ANKH: variants seen among roughly 807,000 people sequenced by gnomAD.
ANKH encodes ANKH inorganic pyrophosphate transport regulator.
In ANKH, 15 loss-of-function variants were observed where a neutral mutation model predicts 49.0. The ratio of observed to expected loss-of-function variants is 0.31; its 90% confidence interval spans 0.20 to 0.47. ANKH has a LOEUF of 0.47. Ranked by LOEUF, ANKH falls within the 20% of genes least tolerant of loss-of-function variation. The pLI, the probability that ANKH is intolerant of heterozygous loss-of-function variation, is 1.00. For missense variants in ANKH, 429 were observed against 652.0 expected, an observed-to-expected ratio of 0.66 and a Z score of 3.72; for synonymous variants, 273 against 260.0, an observed-to-expected ratio of 1.05 and a Z score of -0.48.
intron 1 of ANKH, among the ~76,000 whole-genome samples, chr5:14,848,208 C>T (rs1742019746): frequency 6.6e-6 from 1 of 152,096 alleles, no homozygotes. Context: ...GGTGACTGCA[C>T]CCACCTTTAA....
intron 1 of ANKH, among the ~76,000 whole-genome samples, chr5:14,857,354 G>A (rs1735309559): frequency 6.6e-6 from 1 of 152,168 alleles, no homozygotes; most frequent in African/African-American, 2.4e-5. Context: ...CAGTTTAAAA[G>A]TATTACATTA....
intron 1 of ANKH, among the ~76,000 whole-genome samples, chr5:14,792,539 A>C (rs534806291): frequency 6.6e-6 from 1 of 152,134 alleles, no homozygotes; most frequent in Admixed American, 6.5e-5. Flanking sequence ...GACCTCCTTC[A>C]CCGCTCTATC....
intron 1 of ANKH, among the ~76,000 whole-genome samples, chr5:14,794,626 C>T (rs1468654648): frequency 6.6e-6 from 1 of 152,226 alleles, no homozygotes; most frequent in Non-Finnish European, 1.5e-5. Context: ...AAAGCTGAAT[C>T]CCAAAGGCAG....
rs1737018666 is a variant in ANKH at position 14,708,297 on chromosome 5, G to T, written c.*2900C>A. 6.6e-6 allele frequency: 1 copy of T among 152,128 alleles called. No individual in the cohort carries two copies. The highest frequency in any genetic ancestry group is 2.4e-5 in the African/African-American group (1 of 41,418). The allele number at this position is 152,128 out of a possible 1,614,324, so 9.4% of individuals were successfully genotyped here. On this transcript the variant is annotated 3_prime_UTR_variant, in exon 12 of 12. Transcript: ENST00000284268. ...CATCTAAATGAAAAACTACTTCATG[G>T]CCTTGTATTTTTAGATTGTATTCAT...
chr5:14,803,481 T>C (rs147443123), intron 1 of ANKH, among the ~76,000 whole-genome samples: 1,698 of 152,254 alleles, frequency 0.011, 39 homozygotes, highest in African/African-American at 0.039. Context: ...GGTTTCGCCA[T>C]CTTGGCCAGG....
chr5:14,850,593 G>C (rs1016251020), intron 1 of ANKH, among the ~76,000 whole-genome samples: 9 of 152,398 alleles, frequency 5.9e-5, no homozygotes, highest in African/African-American at 1.4e-4. Context: ...GATGGGGACA[G>C]AGTGTGGCAG....
intron 1 of ANKH, among the ~76,000 whole-genome samples, chr5:14,849,086 T>C (rs558254688): frequency 3.3e-5 from 5 of 152,320 alleles, no homozygotes; most frequent in African/African-American, 7.2e-5. Context: ...TTAGTCAGCC[T>C]AGGAAATCCA....
At chr5:14,724,451 C>A in intron 8 of ANKH, 1 of 635,972 alleles carries the variant, frequency 1.6e-6, no homozygotes, top group Non-Finnish European at 2.0e-6. Context: ...TGGGCTAAGT[C>A]ATGAAAAACT....
intron 6 of ANKH, among the ~76,000 whole-genome samples, chr5:14,747,478 T>G (rs1311673400): frequency 6.6e-6 from 1 of 152,116 alleles, no homozygotes; most frequent in African/African-American, 2.4e-5. Flanking sequence ...GAGGATCGCT[T>G]GAGCCCAGGA....
At chr5:14,785,565 C>T (rs1484863080) in intron 1 of ANKH, among the ~76,000 whole-genome samples, 2 of 152,130 alleles carry the variant, frequency 1.3e-5, no homozygotes, top group South Asian at 2.1e-4. Context: ...GCCAATTAAA[C>T]CTCACCTCTT....
chr5:14,804,956 G>A (rs1220235171), intron 1 of ANKH, among the ~76,000 whole-genome samples: 1 of 152,206 alleles, frequency 6.6e-6, no homozygotes, highest in Non-Finnish European at 1.5e-5. Flanking sequence ...GGTAGCTAGA[G>A]ATGACCAAGG....
chr5:14,789,067 A>G (rs1443261209), intron 1 of ANKH, among the ~76,000 whole-genome samples: 2 of 152,286 alleles, frequency 1.3e-5, no homozygotes, highest in South Asian at 2.1e-4. Context: ...CATCTCTACA[A>G]AAATACAAAA....
intron 1 of ANKH, among the ~76,000 whole-genome samples, chr5:14,852,174 T>G (rs1454317838): frequency 6.6e-6 from 1 of 152,194 alleles, no homozygotes; most frequent in African/African-American, 2.4e-5. Flanking sequence ...CCCAGCTACC[T>G]GGGAGGCCAA....
intron 1 of ANKH, among the ~76,000 whole-genome samples, chr5:14,808,313 C>T (rs1187245843): frequency 1.3e-5 from 2 of 152,070 alleles, no homozygotes; most frequent in Non-Finnish European, 2.9e-5. Flanking sequence ...TGACCAAAAG[C>T]CATCAAGTCT....
At chr5:14,819,344 C>T (rs1435770626) in intron 1 of ANKH, among the ~76,000 whole-genome samples, 3 of 152,178 alleles carry the variant, frequency 2.0e-5, no homozygotes, top group African/African-American at 7.2e-5. Context: ...CTATGTGGGA[C>T]TATATTGCTG....
rs150214668 is a variant in ANKH at position 14,801,801 on chromosome 5, C to T, written c.97-32610G>A. ...AGCTCTTGACTTTCACCTGTCTTCT[C>T]ATTCTACATATTCCCTAAGACATCA... is the stretch of plus-strand genomic sequence containing the variant. On this transcript the variant is annotated intron_variant, in intron 1 of 11. Coordinates refer to ENST00000284268, the MANE Select transcript of ANKH (RefSeq NM_054027.6). Among the ~76,000 whole-genome samples, 465 of 152,364 alleles carry T rather than the reference C, an allele frequency of 3.1e-3. 1 individual carries two copies. Among genetic ancestry groups the T allele is most frequent in the African/African-American group, 0.011 (438 of 41,596 alleles).
intron 3 of ANKH, among the ~76,000 whole-genome samples, chr5:14,757,315 A>T (rs1265736516): frequency 6.6e-6 from 1 of 151,934 alleles, no homozygotes; most frequent in East Asian, 1.9e-4. Context: ...GGTAAAAAAA[A>T]CTATACAGAC....
chr5:14,765,159 C>A (rs750708483), intron 2 of ANKH, among the ~76,000 whole-genome samples: 1 of 152,138 alleles, frequency 6.6e-6, no homozygotes, highest in Admixed American at 6.5e-5. Context: ...AGCAGGACAA[C>A]GCAGTTTTAA....
intron 11 of ANKH, 144 bp from the exon 12 acceptor site, chr5:14,711,454 T>C: frequency 1.4e-6 from 1 of 694,776 alleles, no homozygotes; most frequent in Non-Finnish European, 2.6e-6. Flanking sequence ...GCGTCACCTC[T>C]TTTGCATCTT....
Sources: allele counts gnomAD v4.1 joint callset (sites outside exome capture counted in the v4.1 genomes callset), GRCh38; gene constraint gnomAD v4.1.1; transcripts MANE v1.5; gene names NCBI Gene and HGNC (gene_info 2026-07-23, HGNC 2026-07-21).